The following LNPK variants were observed in gnomAD, a reference collection of about 807,000 sequenced individuals.
LNPK encodes the protein endoplasmic reticulum junction formation protein lunapark.
Under a neutral mutation model 55.2 loss-of-function variants are expected in LNPK, and 29 were observed. The observed-to-expected ratio is 0.53, with a 90% confidence interval of 0.39 to 0.72. The LOEUF (loss-of-function observed/expected upper bound fraction) is 0.72, where lower values mean the gene tolerates loss of function less well. Ranked by LOEUF, LNPK falls within the 30% of genes least tolerant of loss-of-function variation. LNPK has a pLI of 0.00. For synonymous variants in LNPK, 162 were observed against 168.2 expected (o/e 0.96, Z 0.29); for missense variants, 467 against 494.8 (o/e 0.94, Z 0.53).
chr2:175,968,840 G>A (rs1427284193), intron 6 of LNPK, among the ~76,000 whole-genome samples: 2 of 152,006 alleles, frequency 1.3e-5, no homozygotes, highest in Non-Finnish European at 2.9e-5. Flanking sequence ...CCAACATAGT[G>A]AAGCCCCGCC....
At position 175,929,651 on chromosome 2, in the gene LNPK, C is replaced by T. The variant is rs80331628; in HGVS notation, c.*316G>A. 9.1e-4 allele frequency: 972 copies of T among 1,071,228 alleles called. 5 individuals carry two copies. In the African/African-American group the frequency reaches 0.013, roughly 15 times the overall value. 66.4% of individuals were successfully genotyped at this position (1,071,228 alleles called of 1,614,324 possible). The stretch of plus-strand genomic sequence containing the variant: ...CTTCCTATGTCAAAATGGATATTTA[C>T]GGGTTATACATACAGAAAACAAGAA... On this transcript the variant is annotated 3_prime_UTR_variant, in exon 13 of 13. Transcript: ENST00000272748.
intron 9 of LNPK, among the ~76,000 whole-genome samples, chr2:175,946,634 ACT>A (rs1383574945): frequency 6.6e-6 from 1 of 152,156 alleles, no homozygotes; most frequent in Non-Finnish European, 1.5e-5. Context: ...CTACACAAAT[ACT>A]CTGATTACCT....
At chr2:175,978,347 C>T (rs765008143) in intron 5 of LNPK, among the ~76,000 whole-genome samples, 1 of 152,066 alleles carries the variant, frequency 6.6e-6, no homozygotes, top group Non-Finnish European at 1.5e-5. Context: ...GGACCAATCC[C>T]TCACAGATAC....
intron 4 of LNPK, among the ~76,000 whole-genome samples, chr2:175,986,506 T>A (rs1442675767): frequency 6.6e-6 from 1 of 152,132 alleles, no homozygotes; most frequent in East Asian, 1.9e-4. Context: ...TCAGAAAATG[T>A]CATAGTTTCA....
intron 3 of LNPK, 52 bp downstream of exon 3, chr2:175,993,130 A>G: frequency 8.8e-7 from 1 of 1,134,302 alleles, no homozygotes; most frequent in Non-Finnish European, 1.3e-6. Flanking sequence ...CTACAATAAT[A>G]TTTACTTAAT....
chr2:175,967,970 C>A (rs141123868), intron 6 of LNPK, among the ~76,000 whole-genome samples: 1 of 152,098 alleles, frequency 6.6e-6, no homozygotes, highest in African/African-American at 2.4e-5. Context: ...TGGAATATCA[C>A]GCACAGGATT....
At chr2:175,956,150 C>T (rs1685683465) in intron 8 of LNPK, among the ~76,000 whole-genome samples, 1 of 151,762 alleles carries the variant, frequency 6.6e-6, no homozygotes, top group Admixed American at 6.6e-5. Context: ...CACGGTGGTA[C>T]ATACTCGTAG....
intron 8 of LNPK, among the ~76,000 whole-genome samples, chr2:175,956,484 C>A (rs1267521058): frequency 2.6e-5 from 4 of 152,010 alleles, no homozygotes; most frequent in Admixed American, 6.5e-5. Context: ...GATCTATAAC[C>A]CATTAATTAT....
chr2:175,997,735 G>GTGTGTGTGTGTGTA (rs886366400), intron 1 of LNPK, among the ~76,000 whole-genome samples: 3 of 127,362 alleles, frequency 2.4e-5, no homozygotes, highest in African/African-American at 8.5e-5. Context: ...GTGTGTGTGT[G>GTGTGTGTGTGTGTA]TATAAATATA....
intron 5 of LNPK, among the ~76,000 whole-genome samples, chr2:175,976,253 C>A (rs1386576564): frequency 6.6e-6 from 1 of 152,082 alleles, no homozygotes; most frequent in African/African-American, 2.4e-5. Context: ...TAAAAACAGA[C>A]TAGTGAAGAA....
At chr2:175,941,936 GA>G (rs1163272785) in intron 9 of LNPK, among the ~76,000 whole-genome samples, 1 of 149,560 alleles carries the variant, frequency 6.7e-6, no homozygotes, top group African/African-American at 2.5e-5. Flanking sequence ...AGAAAACGAT[GA>G]AACAGTATGT....
At chr2:175,985,956 C>G (rs1687388643) in intron 4 of LNPK, among the ~76,000 whole-genome samples, 1 of 152,120 alleles carries the variant, frequency 6.6e-6, no homozygotes. Context: ...GTACCTGCAA[C>G]CTGCCTGTAC....
intron 1 of LNPK, among the ~76,000 whole-genome samples, chr2:175,995,968 A>G (rs1687914153): frequency 6.6e-6 from 1 of 151,790 alleles, no homozygotes; most frequent in Non-Finnish European, 1.5e-5. Context: ...GCGCACCACT[A>G]TGCCTGGCTA....
intron 9 of LNPK, chr2:175,940,845 A>AT: frequency 3.2e-6 from 1 of 308,876 alleles, no homozygotes; most frequent in Non-Finnish European, 6.4e-6. Flanking sequence ...ACTTCTACAG[A>AT]TAAAAACTAC....
intron 5 of LNPK, among the ~76,000 whole-genome samples, chr2:175,971,024 T>C (rs1216249986): frequency 6.6e-6 from 1 of 152,104 alleles, no homozygotes; most frequent in African/African-American, 2.4e-5. Flanking sequence ...AAAAATTGAC[T>C]TTACATAGTA....
At chr2:175,979,709 C>T (rs764667937) in intron 5 of LNPK, 101 bp downstream of exon 5, 68 of 998,486 alleles carry the variant, frequency 6.8e-5, no homozygotes, top group Admixed American at 1.9e-4. Flanking sequence ...CAATACTTAA[C>T]ACATTATCAT....
At chr2:175,934,396 C>T (rs1469717838) in intron 12 of LNPK, among the ~76,000 whole-genome samples, 1 of 152,152 alleles carries the variant, frequency 6.6e-6, no homozygotes, top group Non-Finnish European at 1.5e-5. Flanking sequence ...ATAAATTTCA[C>T]TTGCTATTTT....
rs967340038 is a variant in LNPK, at chr2:175,994,172, C to T, written c.28-949G>A. On this transcript the variant is annotated intron_variant, in intron 2 of 12. Transcript: ENST00000272748. ...AACAATCCAAGAGGGTAATGAATAT[C>T]AGTTCATTGTAGTTTCCATAAGAGT... The T allele has an allele frequency of 4.1e-6, 4 of 979,576 alleles. No individual in the cohort carries two copies. The African/African-American group carries it at 7.0e-5, about 17-fold the overall frequency. The allele number at this position is 979,576 out of a possible 1,614,324, so 60.7% of individuals were successfully genotyped here. A position where few individuals can be genotyped will look rare whatever the true frequency, so the allele number is the denominator to read the frequency against.
chr2:175,939,229 C>T (rs1292896305), intron 10 of LNPK, among the ~76,000 whole-genome samples: 1 of 152,066 alleles, frequency 6.6e-6, no homozygotes, highest in African/African-American at 2.4e-5. Context: ...AGTACTGATA[C>T]CTATAAAGCT....
Sources: allele counts gnomAD v4.1 joint callset (sites outside exome capture counted in the v4.1 genomes callset), GRCh38; gene constraint gnomAD v4.1.1; transcripts MANE v1.5; gene names NCBI Gene and HGNC (gene_info 2026-07-23, HGNC 2026-07-21).